The following FMNL2 variants were observed in gnomAD, a reference collection of about 807,000 sequenced individuals.
The protein encoded by FMNL2 is formin like 2.
FMNL2 carries 51 observed loss-of-function variants against 130.2 expected under a neutral mutation model. The observed-to-expected ratio is 0.39, with a 90% CI of 0.31 to 0.49. FMNL2 has a LOEUF of 0.49. Among genes scored for constraint, FMNL2 ranks in the 20% least tolerant of loss-of-function variants. The pLI is 0.85. For synonymous variants in FMNL2, 465 were observed against 467.1 expected (o/e 1.00, Z 0.06); for missense variants, 977 against 1,316.2 (o/e 0.74, Z 3.99).
chr2:152,514,740 A>G (rs914709997), intron 1 of FMNL2, among the ~76,000 whole-genome samples: 2 of 152,196 alleles, frequency 1.3e-5, no homozygotes, highest in Admixed American at 6.5e-5. Flanking sequence ...CTATAATAAA[A>G]GTTTATGTGA....
chr2:152,419,242 G>A (rs913489829), intron 1 of FMNL2, among the ~76,000 whole-genome samples: 9 of 152,034 alleles, frequency 5.9e-5, no homozygotes. Flanking sequence ...ACTCAATGTG[G>A]AATGATTAAA....
rs1035778030 is a variant in FMNL2 at position 152,620,909 on chromosome 2, C to T, written c.1837+1191C>T. The stretch of plus-strand genomic sequence containing the variant: ...GTTCACAGTAAGGTCCACAGTAAAT[C>T]GGTGACTTATTTCTACCCTTCAAGA... On this transcript the variant is annotated intron_variant, in intron 15 of 25. Coordinates refer to ENST00000288670, the MANE Select transcript of FMNL2 (RefSeq NM_052905.4). 6.2e-5 allele frequency: 61 copies of T among 983,492 alleles called. No homozygotes were observed. The African/African-American group carries it at 8.9e-4, about 14-fold the overall frequency. The allele number at this position is 983,492 out of a possible 1,614,324, so 60.9% of individuals were successfully genotyped here. A position where few individuals can be genotyped will look rare whatever the true frequency, so the allele number is the denominator to read the frequency against.
intron 1 of FMNL2, among the ~76,000 whole-genome samples, chr2:152,442,271 G>A (rs185961201): frequency 1.2e-4 from 17 of 145,788 alleles, no homozygotes; most frequent in Admixed American, 1.0e-3. Flanking sequence ...TTTTTTTTGA[G>A]ACGGAGTTTT....
chr2:152,610,021 C>T (rs1698594375), intron 10 of FMNL2, among the ~76,000 whole-genome samples: 1 of 152,144 alleles, frequency 6.6e-6, no homozygotes, highest in Non-Finnish European at 1.5e-5. Flanking sequence ...TTTGGCAGGT[C>T]TCAGGGCCAG....
chr2:152,409,978 GA>G (rs1471830376), intron 1 of FMNL2, among the ~76,000 whole-genome samples: 1 of 152,132 alleles, frequency 6.6e-6, no homozygotes, highest in East Asian at 1.9e-4. Context: ...GTGAACTCGA[GA>G]CAAAACGAGT....
intron 1 of FMNL2, among the ~76,000 whole-genome samples, chr2:152,356,896 T>G (rs1186806487): frequency 6.6e-6 from 1 of 151,268 alleles, no homozygotes; most frequent in Non-Finnish European, 1.5e-5. Flanking sequence ...TAGAGAGCTG[T>G]TGGCTGTGAG....
intron 1 of FMNL2, among the ~76,000 whole-genome samples, chr2:152,401,103 T>C (rs12614465): frequency 0.51 from 77,323 of 152,090 alleles, 21,066 homozygotes; most frequent in South Asian, 0.68. Context: ...GACTATTTCA[T>C]TGTAGCTCTC....
intron 1 of FMNL2, among the ~76,000 whole-genome samples, chr2:152,343,442 C>T (rs778184531): frequency 7.2e-5 from 11 of 152,046 alleles, no homozygotes; most frequent in African/African-American, 1.4e-4. Flanking sequence ...ATTACAGGCA[C>T]GCACCACCAC....
intron 1 of FMNL2, among the ~76,000 whole-genome samples, chr2:152,366,493 G>A (rs1683560514): frequency 9.9e-6 from 1 of 100,780 alleles, no homozygotes; most frequent in Non-Finnish European, 2.0e-5. Flanking sequence ...ACAACAAAAA[G>A]AATGAGAACA....
intron 25 of FMNL2, chr2:152,643,678 C>T (rs1683295904): frequency 1.4e-6 from 2 of 1,435,446 alleles, no homozygotes; most frequent in Non-Finnish European, 1.8e-6. Context: ...TTTTGCATTT[C>T]AATTATTATT....
intron 1 of FMNL2, among the ~76,000 whole-genome samples, chr2:152,402,086 T>G (rs564444958): frequency 2.4e-4 from 36 of 152,124 alleles, no homozygotes; most frequent in Admixed American, 7.2e-4. Context: ...GTATTTTTAG[T>G]AGAGACAGGG....
intron 2 of FMNL2, among the ~76,000 whole-genome samples, chr2:152,541,477 CCAGCA>C (rs1694309503): frequency 6.6e-6 from 1 of 152,110 alleles, no homozygotes; most frequent in African/African-American, 2.4e-5. Flanking sequence ...AGCCCGAGAA[CCAGCA>C]TAGTAAGTAG....
At chr2:152,410,889 G>A (rs956455807) in intron 1 of FMNL2, among the ~76,000 whole-genome samples, 6 of 152,164 alleles carry the variant, frequency 3.9e-5, no homozygotes, top group East Asian at 3.9e-4. Flanking sequence ...TAGAGGGGTC[G>A]TTGTGGGAGG....
At chr2:152,449,732 C>T (rs961895052) in intron 1 of FMNL2, among the ~76,000 whole-genome samples, 3 of 152,090 alleles carry the variant, frequency 2.0e-5, no homozygotes, top group Middle Eastern at 3.4e-3. Context: ...TACAGACAGT[C>T]GTCAAAAAAA....
chr2:152,647,172 A>AC (rs1160077371), intron 25 of FMNL2, among the ~76,000 whole-genome samples: 4 of 152,074 alleles, frequency 2.6e-5, no homozygotes, highest in African/African-American at 4.8e-5. Context: ...ACATAACAAG[A>AC]CCCCATTTCT....
At chr2:152,429,267 CA>C (rs1408736762) in intron 1 of FMNL2, among the ~76,000 whole-genome samples, 1 of 151,538 alleles carries the variant, frequency 6.6e-6, no homozygotes, top group African/African-American at 2.4e-5. Flanking sequence ...AGACAGCACG[CA>C]GTGTCCGACC....
intron 1 of FMNL2, among the ~76,000 whole-genome samples, chr2:152,399,341 A>G (rs1181682069): frequency 6.6e-6 from 1 of 152,152 alleles, no homozygotes; most frequent in African/African-American, 2.4e-5. Context: ...TGATGGTTGA[A>G]AGGGGGAAGC....
Position 152,643,804 on chromosome 2 carries a change from C to G in FMNL2, c.3169+2890C>G, listed in dbSNP as rs571589426. 1.1e-5 allele frequency: 11 copies of G among 985,376 alleles called. No homozygotes were observed. The African/African-American group carries it at 1.9e-4, about 17-fold the overall frequency. The allele number at this position is 985,376 out of a possible 1,614,324, so 61.0% of individuals were successfully genotyped here. ...CACAGAAATTTTCAGAAAAATAGAG[C>G]AAAAATATTAAGAGCACTTCTTTGA... On this transcript the variant is annotated intron_variant, in intron 25 of 25. Transcript: ENST00000288670.
At chr2:152,336,538 C>T (rs534373099) in intron 1 of FMNL2, among the ~76,000 whole-genome samples, 1 of 152,306 alleles carries the variant, frequency 6.6e-6, no homozygotes, top group East Asian at 1.9e-4. Flanking sequence ...TTTCCAGCTC[C>T]TCAAATCCAG....
Sources: allele counts gnomAD v4.1 joint callset (sites outside exome capture counted in the v4.1 genomes callset), GRCh38; gene constraint gnomAD v4.1.1; transcripts MANE v1.5; gene names NCBI Gene and HGNC (gene_info 2026-07-23, HGNC 2026-07-21).